ALG12: variants seen among roughly 807,000 people sequenced by gnomAD.
The protein encoded by ALG12 is dol-P-Man:Man(7)GlcNAc(2)-PP-Dol alpha-1,6-mannosyltransferase.
In ALG12, 36 loss-of-function variants were observed where a neutral mutation model predicts 46.0. The ratio of observed to expected loss-of-function variants is 0.78; its 90% confidence interval spans 0.60 to 1.03. The LOEUF is 1.03. Among genes scored for constraint, ALG12 ranks in the 50% least tolerant of loss-of-function variants. ALG12 has a pLI of 0.00. For missense variants in ALG12, 599 were observed against 633.5 expected (o/e 0.95, Z 0.58); for synonymous variants, 326 against 291.6 (o/e 1.12, Z -1.20).
intron 7 of ALG12, 142 bp downstream of exon 7, chr22:49,907,579 G>A (rs990534076): frequency 5.3e-6 from 5 of 935,904 alleles, no homozygotes; most frequent in Admixed American, 2.0e-5. Flanking sequence ...GTTGAGGGGT[G>A]CAGTAAGCCC....
downstream of ALG12, among the ~76,000 whole-genome samples, chr22:49,897,312 G>A (rs753189261): frequency 6.6e-5 from 10 of 152,186 alleles, no homozygotes; most frequent in African/African-American, 9.7e-5. Context: ...TTGTGTGGAC[G>A]TAAGTTTTCA....
the ALG12 span, chr22:49,883,602 A>G: frequency 6.8e-7 from 1 of 1,467,700 alleles, no homozygotes; most frequent in Non-Finnish European, 9.1e-7. Context: ...GGGGGCACAA[A>G]TGAGCACTTG....
In ALG12 at chr22:49,903,997, C is replaced by T. The variant is rs779725238; in HGVS notation, c.1308G>A (p.Ala436=). ...MLAYTHILME[A]APGLLALYRD... ...TGTAGAGGGCCAGGAGCCCAGGGGC[C>T]GCCTCCATGAGGATGTGTGTGTATG... The change falls in exon 10 of 10, where the codon GCG becomes GCA. Residue 436 remains alanine, a synonymous_variant. Coordinates refer to ENST00000330817, the MANE Select transcript of ALG12 (RefSeq NM_024105.4). 9.9e-6 allele frequency: 16 copies of T among 1,614,066 alleles called. No individual in the cohort carries two copies. Among genetic ancestry groups the T allele is most frequent in the Admixed American group, 1.7e-5 (1 of 60,004 alleles).
chr22:49,907,968 A>G (rs2060553232), intron 6 of ALG12, 24 bp from the exon 7 acceptor site: 1 of 1,607,424 alleles, frequency 6.2e-7, no homozygotes, highest in South Asian at 1.1e-5. Flanking sequence ...TAAGGAGGCC[A>G]CGCACCTGTC....
At chr22:49,862,687 T>G in the ALG12 span, among the ~76,000 whole-genome samples, 3 of 136,580 alleles carry the variant, frequency 2.2e-5, no homozygotes, top group Non-Finnish European at 3.0e-5. Context: ...ATTAGTTAAG[T>G]TTTTCCTTTT....
chr22:49,917,705 C>CTTTTTTTTTA (rs2060621164), intron 1 of ALG12, among the ~76,000 whole-genome samples: 1 of 143,334 alleles, frequency 7.0e-6, no homozygotes. Flanking sequence ...TCAGATGTTA[C>CTTTTTTTTTA]TTTTTTTTTT....
At chr22:49,870,543 G>A in the ALG12 span, among the ~76,000 whole-genome samples, 13 of 152,090 alleles carry the variant, frequency 8.5e-5, no homozygotes, top group African/African-American at 2.4e-4. Context: ...ATGGTATCTC[G>A]TTGTGGTTTT....
At chr22:49,864,673 T>C in the ALG12 span, among the ~76,000 whole-genome samples, 2 of 151,720 alleles carry the variant, frequency 1.3e-5, no homozygotes, top group African/African-American at 2.4e-5. Flanking sequence ...TTTAAAATAT[T>C]AGCCAGGTGT....
In ALG12 at chr22:49,901,219, GTGGA is replaced by G. The variant is rs963619664; in HGVS notation, c.*2615_*2618del. On this transcript the variant is annotated 3_prime_UTR_variant, in exon 10 of 10. Transcript: ENST00000330817. ...ACCAGTGAATACCTGAGACACACAGGTGGATGGATGGGGGAGGGAGCCCATGTCT... is the reference window on the plus strand; with the variant it reads ...ACCAGTGAATACCTGAGACACACAGGTGGATGGGGGAGGGAGCCCATGTCT... 1 of 152,326 alleles carries G rather than the reference GTGGA, an allele frequency of 6.6e-6. No homozygotes were observed. The highest frequency in any genetic ancestry group is 1.5e-5 in the Non-Finnish European group (1 of 68,090). The allele number at this position is 152,326 out of a possible 1,614,324, so 9.4% of individuals were successfully genotyped here.
At chr22:49,899,522 C>T (rs896208254), downstream of ALG12, among the ~76,000 whole-genome samples, 13 of 151,808 alleles carry the variant, frequency 8.6e-5, no homozygotes, top group South Asian at 2.1e-4. Flanking sequence ...CCACCACTCA[C>T]CCCTCAGACT....
At position 49,913,712 on chromosome 22, in the gene ALG12, C is replaced by A; in HGVS notation, c.54G>T (p.Val18=). 1 of 1,613,412 alleles carries A rather than the reference C, an allele frequency of 6.2e-7. No homozygotes were observed. The change falls in exon 2 of 10, where the codon GTG becomes GTT. Residue 18 remains valine (V), a synonymous_variant. Transcript: ENST00000330817. ...GRRPLLLGLL[V]AVATVHLVIC... Reference sequence around the variant, plus strand: ...TGACCAGGTGGACAGTGGCTACGGCCACCAGCAGCCCCAGCAGCAGGGGCC... The same window carrying A: ...TGACCAGGTGGACAGTGGCTACGGCAACCAGCAGCCCCAGCAGCAGGGGCC...
chr22:49,871,930 G>T, the ALG12 span, among the ~76,000 whole-genome samples: 1 of 151,958 alleles, frequency 6.6e-6, no homozygotes. Context: ...ATTTTTAGTA[G>T]AGACGAGGTT....
At chr22:49,863,885 A>T in the ALG12 span, among the ~76,000 whole-genome samples, 1 of 152,218 alleles carries the variant, frequency 6.6e-6, no homozygotes, top group African/African-American at 2.4e-5. Flanking sequence ...CATATTTGGG[A>T]TGTTAAATTC....
chr22:49,863,404 G>A, the ALG12 span, among the ~76,000 whole-genome samples: 1 of 152,158 alleles, frequency 6.6e-6, no homozygotes, highest in Non-Finnish European at 1.5e-5. Context: ...CGAGGCAGGC[G>A]GATCACGAGG....
downstream of ALG12, among the ~76,000 whole-genome samples, chr22:49,897,862 T>C (rs902921972): frequency 2.0e-4 from 31 of 151,594 alleles, no homozygotes; most frequent in Admixed American, 5.3e-4. Context: ...GGTTTCACCA[T>C]GTTAGCCAGG....
At chr22:49,887,186 GACGGC>G in the ALG12 span, 1 of 1,598,384 alleles carries the variant, frequency 6.3e-7, no homozygotes, top group South Asian at 1.1e-5. Flanking sequence ...TGAAACTCAC[GACGGC>G]ACCACTAGGC....
At chr22:49,900,118 T>G (rs2060498046), downstream of ALG12, 1 of 152,234 alleles carries the variant, frequency 6.6e-6, no homozygotes, top group Non-Finnish European at 1.5e-5. Context: ...GAGCTATGTT[T>G]GCAACACTGT....
the ALG12 span, among the ~76,000 whole-genome samples, chr22:49,868,565 C>T: frequency 5.9e-5 from 9 of 151,992 alleles, no homozygotes; most frequent in South Asian, 2.1e-4. Flanking sequence ...GGCAACAGAG[C>T]GAGACTGTCT....
chr22:49,911,443 TTTC>T (rs1256458492), intron 3 of ALG12, among the ~76,000 whole-genome samples: 114 of 149,288 alleles, frequency 7.6e-4, no homozygotes, highest in Admixed American at 1.9e-3. Flanking sequence ...TCTTTTTTTT[TTTC>T]TTTTTAAGGA....
Sources: gnomAD v4.1 joint callset for allele counts (sites outside exome capture counted in the v4.1 genomes callset) on GRCh38, gnomAD v4.1.1 for gene constraint, MANE v1.5 for transcripts, NCBI Gene and HGNC (gene_info 2026-07-23, HGNC 2026-07-21) for gene names.